PC: variants seen among roughly 807,000 people sequenced by gnomAD.
The protein encoded by PC is pyruvate carboxylase, mitochondrial.
Under a neutral mutation model 107.8 loss-of-function variants are expected in PC, and 46 were observed. The observed-to-expected ratio is 0.43, with a 90% CI of 0.34 to 0.55. The LOEUF is 0.55. Among genes scored for constraint, PC ranks in the 20% least tolerant of loss-of-function variants. The pLI, the probability that PC is intolerant of heterozygous loss-of-function variation, is 0.04. For synonymous variants in PC, 662 were observed against 684.7 expected (o/e 0.97, Z 0.52); for missense variants, 1,241 against 1,643.1 (o/e 0.76, Z 4.23).
chr11:66,926,703 T>C (rs1216683312), intron 3 of PC, among the ~76,000 whole-genome samples: 1 of 152,266 alleles, frequency 6.6e-6, no homozygotes, highest in East Asian at 1.9e-4. Flanking sequence ...CTGGTACCAC[T>C]AGCTGTCATT....
intron 3 of PC, among the ~76,000 whole-genome samples, chr11:66,912,610 C>T (rs1948362602): frequency 6.6e-6 from 1 of 152,206 alleles, no homozygotes; most frequent in African/African-American, 2.4e-5. Context: ...ATCTAACAAC[C>T]TGCTCTCCGC....
At chr11:66,904,498 C>CT (rs1330629569) in intron 3 of PC, among the ~76,000 whole-genome samples, 2 of 152,164 alleles carry the variant, frequency 1.3e-5, no homozygotes, top group Non-Finnish European at 2.9e-5. Flanking sequence ...ATTAGCCTTG[C>CT]ATGGTGGCAT....
chr11:66,883,812 G>A (rs1028034673), intron 3 of PC, among the ~76,000 whole-genome samples: 1 of 152,154 alleles, frequency 6.6e-6, no homozygotes, highest in Non-Finnish European at 1.5e-5. Context: ...ACCGTGAGGC[G>A]TGGTGGCTCA....
At chr11:66,913,665 A>G (rs1177538235) in intron 3 of PC, among the ~76,000 whole-genome samples, 23 of 143,318 alleles carry the variant, frequency 1.6e-4, no homozygotes. Flanking sequence ...TCTGTCTCAA[A>G]AAAAAAAAAA....
chr11:66,946,704 G>A (rs1039996356), intron 3 of PC, among the ~76,000 whole-genome samples: 5 of 152,068 alleles, frequency 3.3e-5, no homozygotes, highest in Admixed American at 2.0e-4. Flanking sequence ...TGGGAGGATC[G>A]CTTGAGCATG....
intron 3 of PC, among the ~76,000 whole-genome samples, chr11:66,885,964 C>G (rs926728141): frequency 2.6e-5 from 4 of 152,218 alleles, no homozygotes; most frequent in Non-Finnish European, 5.9e-5. Flanking sequence ...GTAAAAATAC[C>G]CCCCTCTCAT....
At position 66,848,886 on chromosome 11, in the gene PC, G is replaced by C; in HGVS notation, c.*13C>G. ...AGGCTTGGGGATGGCCAGGCTGCCGGTCTGGGGCAAGATCACTCGATCTCC... is the reference window on the plus strand; with the variant it reads ...AGGCTTGGGGATGGCCAGGCTGCCGCTCTGGGGCAAGATCACTCGATCTCC... On this transcript the variant is annotated 3_prime_UTR_variant, in exon 23 of 23. Transcript: ENST00000393960. The C allele has an allele frequency of 1.2e-6, 2 of 1,613,626 alleles. No homozygotes were observed. The highest frequency in any genetic ancestry group is 1.7e-6 in the Non-Finnish European group (2 of 1,180,028).
chr11:66,891,369 G>GT (rs1243433153), intron 3 of PC, among the ~76,000 whole-genome samples: 2 of 151,214 alleles, frequency 1.3e-5, no homozygotes, highest in African/African-American at 4.9e-5. Flanking sequence ...TAATAGGCAA[G>GT]TTTTTTTGTT....
At chr11:66,893,139 TG>T (rs1199535526) in intron 3 of PC, among the ~76,000 whole-genome samples, 2 of 152,202 alleles carry the variant, frequency 1.3e-5, no homozygotes, top group African/African-American at 4.8e-5. Flanking sequence ...GGACCCCCAC[TG>T]TGACCCCAGG....
intron 12 of PC, chr11:66,859,730 T>C: frequency 6.2e-7 from 1 of 1,611,006 alleles, no homozygotes; most frequent in Non-Finnish European, 8.5e-7. Context: ...CACCGGCCGC[T>C]GGGCCCTCTG....
chr11:66,884,597 G>A (rs1947295929), intron 3 of PC, among the ~76,000 whole-genome samples: 1 of 152,212 alleles, frequency 6.6e-6, no homozygotes, highest in Admixed American at 6.5e-5. Flanking sequence ...GAGAGGGTCT[G>A]AAGGACAAGG....
chr11:66,882,825 AG>A (rs937561279), intron 3 of PC, among the ~76,000 whole-genome samples: 1 of 150,984 alleles, frequency 6.6e-6, no homozygotes, highest in African/African-American at 2.4e-5. Flanking sequence ...GGCAGCCAAG[AG>A]GGACAGATGA....
At chr11:66,873,459 T>TATATTATATATAATATAATATATA (rs1946835045) in intron 3 of PC, among the ~76,000 whole-genome samples, 1 of 79,846 alleles carries the variant, frequency 1.3e-5, no homozygotes, top group Non-Finnish European at 2.3e-5. Flanking sequence ...ATATAAAATA[T>TATATTATATATAATATAATATATA]ATATTATATA....
In PC at chr11:66,870,277, CCAA is replaced by C; in HGVS notation, c.903+22_903+24del. 1 of 1,611,648 alleles carries C rather than the reference CCAA, an allele frequency of 6.2e-7. No homozygotes were observed. The highest frequency in any genetic ancestry group is 8.5e-7 in the Non-Finnish European group (1 of 1,179,912). On this transcript the variant is annotated intron_variant, in intron 9 of 22. Transcript: ENST00000393960. This position sits in a 1 kb window ranked among gnomAD's most constrained non-coding sequence, Gnocchi z 6.1. ...CGGCCTGTGAGCACAGGCTCCTGTCCCAACACGGGAAGCCCACCCTTCACCTGT... is the reference window on the plus strand; with the variant it reads ...CGGCCTGTGAGCACAGGCTCCTGTCCCACGGGAAGCCCACCCTTCACCTGT...
chr11:66,857,990 T>C lies in PC; in HGVS notation c.1369-4607A>G, dbSNP rs916136344. On this transcript the variant is annotated intron_variant, in intron 12 of 22. Transcript: ENST00000393960. This position sits in a 1 kb window ranked among gnomAD's most constrained non-coding sequence, Gnocchi z 7.1. ...TGGTGGACCTGACACTGTCTCGCAA[T>C]GCCATCACCCGCATTGGGGCCCGCG... 8 of 1,612,514 alleles carry C rather than the reference T, an allele frequency of 5.0e-6. No individual in the cohort carries two copies. Among genetic ancestry groups the C allele is most frequent in the Non-Finnish European group, 6.8e-6 (8 of 1,179,934 alleles).
chr11:66,938,006 G>A (rs1227587604), intron 3 of PC, among the ~76,000 whole-genome samples: 4 of 151,946 alleles, frequency 2.6e-5, no homozygotes, highest in East Asian at 1.9e-4. Flanking sequence ...TCGATCTCTC[G>A]ACCTCGTGAT....
chr11:66,866,114 C>G lies in PC; in HGVS notation c.1185+73G>C, dbSNP rs990980854. On this transcript the variant is annotated intron_variant, in intron 11 of 22. Coordinates refer to ENST00000393960, the MANE Select transcript of PC (RefSeq NM_001040716.2). This position sits in a 1 kb window ranked among gnomAD's most constrained non-coding sequence, Gnocchi z 5.4. Reference sequence around the variant, plus strand: ...ACTGCCGGGCTGTGGCAACTTGGCACTGCAGCCCCAGGCACCAGGCAGAAC... The same window carrying G: ...ACTGCCGGGCTGTGGCAACTTGGCAGTGCAGCCCCAGGCACCAGGCAGAAC... The G allele has an allele frequency of 4.5e-6, 7 of 1,540,006 alleles. No homozygotes were observed. Among genetic ancestry groups the G allele is most frequent in the Admixed American group, 3.4e-5 (2 of 58,770 alleles).
chr11:66,894,110 G>A (rs1947666341), intron 3 of PC, among the ~76,000 whole-genome samples: 1 of 152,122 alleles, frequency 6.6e-6, no homozygotes, highest in Non-Finnish European at 1.5e-5. Flanking sequence ...GGGATAGCTA[G>A]CATCCCCAAA....
chr11:66,852,967 T>A lies in PC; in HGVS notation c.1514-131A>T. Reference sequence around the variant, plus strand: ...TCCCCGGGCTTCCAGCTGGCCCCTGTCCTCTCCAAAGCCAGGGCCTCCTGG... The same window carrying A: ...TCCCCGGGCTTCCAGCTGGCCCCTGACCTCTCCAAAGCCAGGGCCTCCTGG... On this transcript the variant is annotated intron_variant, in intron 13 of 22. Transcript: ENST00000393960. This position sits in a 1 kb window ranked among gnomAD's most constrained non-coding sequence, Gnocchi z 4.7. The A allele has an allele frequency of 1.3e-6, 1 of 786,302 alleles. No homozygotes were observed. Among genetic ancestry groups the A allele is most frequent in the Non-Finnish European group, 2.0e-6 (1 of 501,222 alleles). 48.7% of individuals were successfully genotyped at this position (786,302 alleles called of 1,614,324 possible).
Sources: gnomAD v4.1 joint callset for allele counts (sites outside exome capture counted in the v4.1 genomes callset) on GRCh38, gnomAD v4.1.1 for gene constraint, Gnocchi (gnomAD v3.1) non-coding constraint, MANE v1.5 for transcripts, NCBI Gene and HGNC (gene_info 2026-07-23, HGNC 2026-07-21) for gene names.